Variants in STAT3 observed in about 807,000 individuals in gnomAD.
The protein encoded by STAT3 is signal transducer and activator of transcription 3.
A neutral mutation model predicts 114.3 loss-of-function variants in STAT3; 7 were observed. The observed-to-expected ratio is 0.06, with a 90% CI of 0.03 to 0.11. STAT3 has a LOEUF of 0.11. Ranked by LOEUF, STAT3 falls within the 10% of genes least tolerant of loss-of-function variation. The pLI is 1.00. For missense variants in STAT3, 364 were observed against 960.9 expected (o/e 0.38, Z 8.21); for synonymous variants, 331 against 354.5 (o/e 0.93, Z 0.74).
chr17:42,371,891 G>A (rs983187901), intron 1 of STAT3, among the ~76,000 whole-genome samples: 1 of 151,922 alleles, frequency 6.6e-6, no homozygotes, highest in South Asian at 2.1e-4. Context: ...GCTGAGGCAG[G>A]AGAATCACTT....
intron 1 of STAT3, among the ~76,000 whole-genome samples, chr17:42,358,204 TCAG>T (rs1276244684): frequency 6.6e-6 from 1 of 152,114 alleles, no homozygotes; most frequent in African/African-American, 2.4e-5. Flanking sequence ...TTGCTTGAGC[TCAG>T]GAGTTCAAGA....
intron 21 of STAT3, among the ~76,000 whole-genome samples, chr17:42,318,369 C>T (rs1438848183): frequency 6.6e-6 from 1 of 152,056 alleles, no homozygotes; most frequent in African/African-American, 2.4e-5. Flanking sequence ...TCAGGTGATC[C>T]ATCTGCCTCA....
intron 21 of STAT3, among the ~76,000 whole-genome samples, chr17:42,319,707 G>GA (rs1459985081): frequency 1.3e-5 from 2 of 149,118 alleles, no homozygotes; most frequent in African/African-American, 5.2e-5. Context: ...GAAGAGAGAA[G>GA]AGTCTTGGGA....
intron 8 of STAT3, among the ~76,000 whole-genome samples, chr17:42,335,927 G>A (rs1324054757): frequency 6.6e-6 from 1 of 152,084 alleles, no homozygotes; most frequent in African/African-American, 2.4e-5. Flanking sequence ...TATCACTAGT[G>A]TAACAAAGAC....
intron 4 of STAT3, among the ~76,000 whole-genome samples, chr17:42,339,666 A>G (rs1227497848): frequency 3.9e-5 from 6 of 152,176 alleles, no homozygotes; most frequent in Non-Finnish European, 7.4e-5. Flanking sequence ...CAAAAACCTC[A>G]TGGGCAAGTA....
At chr17:42,353,381 GAGAAA>G (rs150757603) in intron 1 of STAT3, among the ~76,000 whole-genome samples, 52 of 141,754 alleles carry the variant, frequency 3.7e-4, no homozygotes, top group Middle Eastern at 7.2e-3. Context: ...AAAGAAAGAA[GAGAAA>G]AGAAAAGAAA....
rs377095381 is a variant in STAT3, at chr17:42,337,581, G to A, written c.651C>T (p.Ile217=). The change falls in exon 8 of 24, where the codon ATC becomes ATT. Residue 217 remains isoleucine (I), a synonymous_variant. Coordinates refer to ENST00000264657, the MANE Select transcript of STAT3 (RefSeq NM_139276.3). This position sits in a 1 kb window ranked among gnomAD's most constrained non-coding sequence, Gnocchi z 4.0. ...ACAAAAGCCCCGCCAGCTCACTCAC[G>A]ATGCTCTGGTTGGAAACCAAAACAA... ...LTALDQMRRS[I]VSELAGLLSA... 35 of 1,614,032 alleles carry A rather than the reference G, an allele frequency of 2.2e-5. No individual in the cohort carries two copies. The highest frequency in any genetic ancestry group is 1.6e-4 in the East Asian group (7 of 44,894).
intron 1 of STAT3, among the ~76,000 whole-genome samples, chr17:42,355,123 G>A (rs1277441726): frequency 6.6e-6 from 1 of 152,086 alleles, no homozygotes; most frequent in Non-Finnish European, 1.5e-5. Flanking sequence ...ACCTCAAAGA[G>A]CCCATGTTAT....
At chr17:42,384,904 C>T (rs1335114247) in intron 1 of STAT3, among the ~76,000 whole-genome samples, 1 of 152,162 alleles carries the variant, frequency 6.6e-6, no homozygotes, top group Non-Finnish European at 1.5e-5. Flanking sequence ...TGAAATCCCT[C>T]TTTGGCAAAA....
In STAT3 at chr17:42,316,976, AAC is replaced by A. The variant is rs914027298; in HGVS notation, c.2145-77_2145-76del. The A allele has an allele frequency of 4.5e-5, 70 of 1,556,226 alleles. 1 individual carries two copies. Among genetic ancestry groups the A allele is most frequent in the Admixed American group, 3.0e-4 (15 of 50,742 alleles). On this transcript the variant is annotated intron_variant, in intron 22 of 23. Coordinates refer to ENST00000264657, the MANE Select transcript of STAT3 (RefSeq NM_139276.3). ...ACAATGGAAAAAAAAAAAAGAACAA[AAC>A]ACACACACACAAGCCATCAAACTCT...
chr17:42,347,968 G>A (rs1278307413), intron 2 of STAT3, among the ~76,000 whole-genome samples: 2 of 152,156 alleles, frequency 1.3e-5, no homozygotes. Context: ...ATAGCAAATT[G>A]AGAACAGACT....
intron 1 of STAT3, among the ~76,000 whole-genome samples, chr17:42,362,448 T>A (rs2083559214): frequency 6.6e-6 from 1 of 152,092 alleles, no homozygotes; most frequent in African/African-American, 2.4e-5. Flanking sequence ...ACACTGTGGG[T>A]AGAGAGACCT....
At chr17:42,319,024 T>C (rs2081358373) in intron 21 of STAT3, among the ~76,000 whole-genome samples, 1 of 152,092 alleles carries the variant, frequency 6.6e-6, no homozygotes, top group Non-Finnish European at 1.5e-5. Context: ...GTGGATCACT[T>C]GAGGCCAGGA....
chr17:42,345,714 TG>T (rs2082666950), intron 3 of STAT3, 57 bp from the exon 4 acceptor site: 15 of 1,452,586 alleles, frequency 1.0e-5, no homozygotes. Context: ...AGATGTGGAC[TG>T]AACTGTGGCA....
Position 42,324,624 on chromosome 17 carries a change from A to G in STAT3, c.1600+87T>C, listed in dbSNP as rs1006843641. 6.0e-6 allele frequency: 9 copies of G among 1,507,778 alleles called. No individual in the cohort carries two copies. In the African/African-American group the frequency reaches 1.0e-4, roughly 17 times the overall value. 93.4% of individuals were successfully genotyped at this position (1,507,778 alleles called of 1,614,324 possible). ...AGGAAAGAAACATGGCCTAATGCTC[A>G]GTAGACATGGCCCAAATGAACAGCC... On this transcript the variant is annotated intron_variant, in intron 17 of 23. Coordinates refer to ENST00000264657, the MANE Select transcript of STAT3 (RefSeq NM_139276.3). The surrounding 1 kb of genome is among the most constrained non-coding windows in gnomAD (Gnocchi z 4.5).
rs1425050621 is a variant in STAT3, at chr17:42,324,517, C to A, written c.1600+194G>T. Among the ~76,000 whole-genome samples, 1 of 152,046 alleles carries A rather than the reference C, an allele frequency of 6.6e-6. No homozygotes were observed. Among genetic ancestry groups the A allele is most frequent in the African/African-American group, 2.4e-5 (1 of 41,364 alleles). On this transcript the variant is annotated intron_variant, in intron 17 of 23. Coordinates refer to ENST00000264657, the MANE Select transcript of STAT3 (RefSeq NM_139276.3). This position sits in a 1 kb window ranked among gnomAD's most constrained non-coding sequence, Gnocchi z 4.5. ...CTACCTCCCACCTCAAAAATGATCACCTCGACTGAAAACTGCAAACTGTCT... is the reference window on the plus strand; with the variant it reads ...CTACCTCCCACCTCAAAAATGATCAACTCGACTGAAAACTGCAAACTGTCT...
chr17:42,331,423 ATTT>A (rs753751882), intron 11 of STAT3, 46 bp downstream of exon 11: 1 of 1,511,012 alleles, frequency 6.6e-7, no homozygotes, highest in African/African-American at 1.4e-5. Flanking sequence ...CAAAGTTCTC[ATTT>A]TTCTATTCCT....
At chr17:42,360,644 CAA>C (rs577560063) in intron 1 of STAT3, among the ~76,000 whole-genome samples, 4 of 123,806 alleles carry the variant, frequency 3.2e-5, no homozygotes, top group Non-Finnish European at 1.7e-5. Context: ...AACTCCATCT[CAA>C]AAAAAAAAAA....
Position 42,330,239 on chromosome 17 carries a change from C to A in STAT3, c.1110-463G>T, listed in dbSNP as rs1359417059. On this transcript the variant is annotated intron_variant, in intron 11 of 23. Coordinates refer to ENST00000264657, the MANE Select transcript of STAT3 (RefSeq NM_139276.3). ...TCAAGTGATTCTCCTGCCTCAGCCT[C>A]CCGTGTAGCTGGGATTACGGGCATG... Among the ~76,000 whole-genome samples the A allele has an allele frequency of 2.6e-5, 4 of 151,538 alleles. No individual in the cohort carries two copies. In the East Asian group the frequency reaches 7.8e-4, roughly 30 times the overall value.
Sources: allele counts gnomAD v4.1 joint callset (sites outside exome capture counted in the v4.1 genomes callset), GRCh38; gene constraint gnomAD v4.1.1; non-coding constraint Gnocchi (gnomAD v3.1); transcripts MANE v1.5; gene names NCBI Gene and HGNC (gene_info 2026-07-23, HGNC 2026-07-21).